The following SOS1 variants were observed in gnomAD, a reference collection of about 807,000 sequenced individuals.
SOS1 encodes the protein son of sevenless homolog 1.
In SOS1, 25 loss-of-function variants were observed where a neutral mutation model predicts 157.6. The ratio of observed to expected loss-of-function variants is 0.16; its 90% CI spans 0.12 to 0.22. The LOEUF (loss-of-function observed/expected upper bound fraction) is 0.22. SOS1 is among the 10% of genes least tolerant of loss of function. SOS1 has a pLI of 1.00. For synonymous variants in SOS1, 528 were observed against 534.0 expected (o/e 0.99, Z 0.16); for missense variants, 1,237 against 1,599.1 (o/e 0.77, Z 3.86).
In SOS1 at chr2:39,058,662, T is replaced by C. The variant is rs752529571; in HGVS notation, c.345+11A>G. Reference sequence around the variant, plus strand: ...CCCTTAAAAGGCAAGAAGGCAGTAGTTCAGCATTACCTTTAATAAAGGATG... The same window carrying C: ...CCCTTAAAAGGCAAGAAGGCAGTAGCTCAGCATTACCTTTAATAAAGGATG... On this transcript the variant is annotated intron_variant, in intron 3 of 22. Transcript: ENST00000402219. 1 of 1,612,110 alleles carries C rather than the reference T, an allele frequency of 6.2e-7. No homozygotes were observed. The highest frequency in any genetic ancestry group is 1.1e-5 in the South Asian group (1 of 90,918).
At chr2:39,003,491 A>G (rs531706307) in intron 17 of SOS1, among the ~76,000 whole-genome samples, 1 of 152,354 alleles carries the variant, frequency 6.6e-6, no homozygotes, top group South Asian at 2.1e-4. Context: ...ACATAGAAAT[A>G]AGGTCAAAGG....
At chr2:39,064,674 C>T (rs1671530491) in intron 2 of SOS1, among the ~76,000 whole-genome samples, 1 of 149,966 alleles carries the variant, frequency 6.7e-6, no homozygotes, top group Non-Finnish European at 1.5e-5. Context: ...CATTATGAAG[C>T]GTATTCTTCA....
At chr2:39,079,549 T>C (rs1162045794) in intron 1 of SOS1, among the ~76,000 whole-genome samples, 5 of 129,810 alleles carry the variant, frequency 3.9e-5, no homozygotes, top group Admixed American at 1.0e-4. Flanking sequence ...GGTTGGAGTG[T>C]AGTAGTGTGA....
intron 2 of SOS1, among the ~76,000 whole-genome samples, chr2:39,061,275 T>C (rs1367510080): frequency 6.6e-6 from 1 of 151,016 alleles, no homozygotes; most frequent in Non-Finnish European, 1.5e-5. Flanking sequence ...AAAAAAGGTG[T>C]TTTGAATGTG....
In SOS1 at chr2:38,985,533, T is replaced by G. The variant is rs111325793; in HGVS notation, c.*291A>C. 15 of 389,176 alleles carry G rather than the reference T, an allele frequency of 3.9e-5. No homozygotes were observed. Among genetic ancestry groups the G allele is most frequent in the African/African-American group, 2.9e-4 (14 of 48,658 alleles). 24.1% of individuals were successfully genotyped at this position (389,176 alleles called of 1,614,324 possible). A position where few individuals can be genotyped will look rare whatever the true frequency, so the allele number is the denominator to read the frequency against. On this transcript the variant is annotated 3_prime_UTR_variant, in exon 23 of 23. Transcript: ENST00000402219. ...AATGATCACTTCACAAAAGATCACT[T>G]CACAAAAAGAGGACTCCTGCCTATT...
At chr2:39,051,390 C>G (rs1459336154) in intron 5 of SOS1, 103 bp from the exon 6 acceptor site, 7 of 1,016,482 alleles carry the variant, frequency 6.9e-6, no homozygotes, top group Admixed American at 1.9e-5. Context: ...TTTAACATGT[C>G]AGACACAGTG....
At chr2:39,074,255 C>T (rs1671886958) in intron 1 of SOS1, among the ~76,000 whole-genome samples, 1 of 151,218 alleles carries the variant, frequency 6.6e-6, no homozygotes, top group African/African-American at 2.4e-5. Context: ...GAGGCTGAGA[C>T]AGGAGAATCG....
chr2:39,045,831 C>A (rs1482096199), intron 6 of SOS1, among the ~76,000 whole-genome samples: 1 of 152,172 alleles, frequency 6.6e-6, no homozygotes, highest in Non-Finnish European at 1.5e-5. Context: ...GCCTTAGACT[C>A]CTGTGTATCT....
chr2:39,044,721 G>A (rs1670690612), intron 6 of SOS1, among the ~76,000 whole-genome samples: 1 of 152,106 alleles, frequency 6.6e-6, no homozygotes, highest in Non-Finnish European at 1.5e-5. Context: ...TCGTATATAT[G>A]GGTTCCACAG....
upstream of SOS1, among the ~76,000 whole-genome samples, chr2:39,121,534 T>C (rs1267729329): frequency 6.6e-6 from 1 of 152,216 alleles, no homozygotes; most frequent in East Asian, 1.9e-4. Context: ...GTACGTGTAG[T>C]ATTGATTTTG....
At chr2:39,071,249 C>T (rs544267883) in intron 1 of SOS1, among the ~76,000 whole-genome samples, 108 of 152,256 alleles carry the variant, frequency 7.1e-4, no homozygotes, top group Non-Finnish European at 1.1e-3. Flanking sequence ...AAATATTGAA[C>T]CTGGGCCTCC....
chr2:38,996,129 G>A (rs1668881862), intron 19 of SOS1, among the ~76,000 whole-genome samples: 1 of 152,006 alleles, frequency 6.6e-6, no homozygotes, highest in African/African-American at 2.4e-5. Flanking sequence ...TGTCTCCCAG[G>A]CTGGAGCTGG....
At chr2:39,069,632 C>G (rs1671730192) in intron 1 of SOS1, among the ~76,000 whole-genome samples, 2 of 151,912 alleles carry the variant, frequency 1.3e-5, no homozygotes, top group African/African-American at 4.8e-5. Context: ...ACTGCAACCT[C>G]CGCCTCCTGG....
At chr2:39,096,573 G>C (rs537150284) in intron 1 of SOS1, among the ~76,000 whole-genome samples, 2 of 152,220 alleles carry the variant, frequency 1.3e-5, no homozygotes, top group African/African-American at 4.8e-5. Context: ...AAAGAGATCT[G>C]TATTTGAAAG....
Sources: allele counts gnomAD v4.1 joint callset (sites outside exome capture counted in the v4.1 genomes callset), GRCh38; gene constraint gnomAD v4.1.1; transcripts MANE v1.5; gene names NCBI Gene and HGNC (gene_info 2026-07-23, HGNC 2026-07-21).